Variants in RNF180 observed in about 807,000 individuals in gnomAD.
RNF180 encodes ring finger protein 180, also known as E3 ubiquitin-protein ligase RNF180.
In RNF180, 38 loss-of-function variants were observed where a neutral mutation model predicts 59.2. The observed-to-expected ratio is 0.64, with a 90% CI of 0.50 to 0.84. RNF180 has a LOEUF of 0.84. Among genes scored for constraint, RNF180 ranks in the 40% least tolerant of loss-of-function variants. RNF180 has a pLI of 0.00. For synonymous variants in RNF180, 262 were observed against 240.3 expected (o/e 1.09, Z -0.84); for missense variants, 705 against 700.9 (o/e 1.01, Z -0.07).
At chr5:64,318,407 A>G (rs1744174693) in intron 5 of RNF180, among the ~76,000 whole-genome samples, 1 of 152,284 alleles carries the variant, frequency 6.6e-6, no homozygotes, top group Non-Finnish European at 1.5e-5. Flanking sequence ...ATGGCAAAAT[A>G]TTTCATCATG....
intron 7 of RNF180, among the ~76,000 whole-genome samples, chr5:64,362,681 G>A (rs982385032): frequency 6.6e-6 from 1 of 151,812 alleles, no homozygotes; most frequent in African/African-American, 2.4e-5. Context: ...TTCCACAATG[G>A]CTGAACTAAT....
chr5:64,204,385 G>A (rs1250355396), intron 2 of RNF180, among the ~76,000 whole-genome samples: 1 of 152,118 alleles, frequency 6.6e-6, no homozygotes, highest in African/African-American at 2.4e-5. Context: ...ACTTTACTGG[G>A]CAATGCTGTT....
Position 64,325,237 on chromosome 5 carries a change from A to G in RNF180, c.1279A>G (p.Lys427Glu). The G allele has an allele frequency of 6.4e-7, 1 of 1,551,576 alleles. No individual in the cohort carries two copies. Among genetic ancestry groups the G allele is most frequent in the Non-Finnish European group, 8.7e-7 (1 of 1,146,822 alleles). ...TDEDNEYAEE[K>E]DSYICAVCLD... ...TGAAGACAATGAATATGCAGAAGAA[A>G]AGGATAGCTACATCTGTGCAGTGTG... Residue 427 changes from lysine (K) to glutamate (E), a missense_variant, in exon 6 of 8, where the codon AAG (lysine) becomes GAG (glutamate). Lys to Glu is a moderately conservative substitution (Grantham distance 56). Coordinates refer to ENST00000389100, the MANE Select transcript of RNF180 (RefSeq NM_001113561.2).
At chr5:64,249,013 C>G (rs1295433112) in intron 5 of RNF180, among the ~76,000 whole-genome samples, 1 of 152,110 alleles carries the variant, frequency 6.6e-6, no homozygotes, top group Non-Finnish European at 1.5e-5. Flanking sequence ...AATAGAAAAC[C>G]AAACACTGCA....
Position 64,217,395 on chromosome 5 carries a change from TG to T in RNF180, c.1227+1del. 7.1e-7 allele frequency: 1 copy of T among 1,416,248 alleles called. No individual in the cohort carries two copies. Among genetic ancestry groups the T allele is most frequent in the South Asian group, 1.7e-5 (1 of 58,910 alleles). The allele number at this position is 1,416,248 out of a possible 1,614,324, so 87.7% of individuals were successfully genotyped here. ...TCAGGAGTGGGATTGCTGGATCATA[TG>T]GTAAGTATATATTTACTTATATGAG... ...KYSGVGLLDH[M>X]TLNNEMSTDE... On this transcript the variant is annotated frameshift_variant and splice_region_variant, in exon 5 of 8. Coordinates refer to ENST00000389100, the MANE Select transcript of RNF180 (RefSeq NM_001113561.2). LOFTEE classifies it high-confidence loss of function.
chr5:64,329,790 A>G (rs1319922868), intron 6 of RNF180, among the ~76,000 whole-genome samples: 1 of 152,190 alleles, frequency 6.6e-6, no homozygotes. Flanking sequence ...TTGCATGCGC[A>G]GTTCACAATA....
chr5:64,221,883 C>A (rs930323712), intron 5 of RNF180, among the ~76,000 whole-genome samples: 1 of 152,156 alleles, frequency 6.6e-6, no homozygotes, highest in Non-Finnish European at 1.5e-5. Context: ...TTGTTCATAT[C>A]TTACATTAGT....
intron 1 of RNF180, among the ~76,000 whole-genome samples, chr5:64,174,042 G>C (rs1009975201): frequency 7.9e-5 from 12 of 152,126 alleles, no homozygotes; most frequent in Non-Finnish European, 1.6e-4. Context: ...TTGCACATGA[G>C]TGAGATTTTG....
intron 5 of RNF180, among the ~76,000 whole-genome samples, chr5:64,320,954 C>T (rs1242660701): frequency 1.3e-5 from 2 of 152,012 alleles, no homozygotes; most frequent in Non-Finnish European, 2.9e-5. Flanking sequence ...AGGAGAATGG[C>T]ATGAACCCGG....
intron 7 of RNF180, among the ~76,000 whole-genome samples, chr5:64,346,964 TGAA>T (rs1256753747): frequency 6.6e-6 from 1 of 152,176 alleles, no homozygotes; most frequent in Non-Finnish European, 1.5e-5. Flanking sequence ...TGAACTATGA[TGAA>T]GAATGAATTA....
upstream of RNF180, chr5:64,165,753 G>A (rs1159906312): frequency 6.6e-6 from 1 of 152,274 alleles, no homozygotes; most frequent in African/African-American, 2.4e-5. Flanking sequence ...CGAGCGCCGG[G>A]GCGCCACGTC....
chr5:64,321,367 T>C (rs1023976439), intron 5 of RNF180, among the ~76,000 whole-genome samples: 1 of 152,104 alleles, frequency 6.6e-6, no homozygotes, highest in African/African-American at 2.4e-5. Context: ...CAAGCATTCC[T>C]ATACACCAGC....
At chr5:64,366,123 T>C (rs985712212) in intron 7 of RNF180, among the ~76,000 whole-genome samples, 2 of 151,700 alleles carry the variant, frequency 1.3e-5, no homozygotes, top group South Asian at 4.1e-4. Context: ...CCTTTCCATA[T>C]TTAATGCATC....
chr5:64,226,622 C>T (rs1016469978), intron 5 of RNF180, among the ~76,000 whole-genome samples: 2 of 151,650 alleles, frequency 1.3e-5, no homozygotes, highest in Non-Finnish European at 2.9e-5. Context: ...GACCCTGCCA[C>T]ATCCCCCTCT....
At chr5:64,296,224 C>T (rs1485919187) in intron 5 of RNF180, among the ~76,000 whole-genome samples, 1 of 152,076 alleles carries the variant, frequency 6.6e-6, no homozygotes, top group Non-Finnish European at 1.5e-5. Flanking sequence ...CCATGATTAG[C>T]CCCTGATATT....
intron 5 of RNF180, among the ~76,000 whole-genome samples, chr5:64,292,632 T>C (rs899929783): frequency 6.6e-6 from 1 of 152,126 alleles, no homozygotes. Flanking sequence ...CTTAAAGAAA[T>C]AGGCTGGCTG....
At chr5:64,330,749 A>G (rs550994591) in intron 7 of RNF180, among the ~76,000 whole-genome samples, 1 of 152,246 alleles carries the variant, frequency 6.6e-6, no homozygotes, top group African/African-American at 2.4e-5. Flanking sequence ...AGCTGCTACT[A>G]TGAAGCCAGC....
At chr5:64,359,907 T>G (rs367750086) in intron 7 of RNF180, among the ~76,000 whole-genome samples, 14 of 152,030 alleles carry the variant, frequency 9.2e-5, no homozygotes, top group South Asian at 8.3e-4. Context: ...TTTCCCCATT[T>G]CTTGTTTTTC....
intron 5 of RNF180, among the ~76,000 whole-genome samples, chr5:64,289,781 T>G (rs1011947887): frequency 2.0e-5 from 3 of 152,156 alleles, no homozygotes; most frequent in African/African-American, 7.2e-5. Context: ...TGTTCTCTCT[T>G]CTGTTCTTTA....
Sources: gnomAD v4.1 joint callset for allele counts (sites outside exome capture counted in the v4.1 genomes callset) on GRCh38, gnomAD v4.1.1 for gene constraint, MANE v1.5 for transcripts, NCBI Gene and HGNC (gene_info 2026-07-23, HGNC 2026-07-21) for gene names.